Variants in BANK1 observed in about 807,000 individuals in gnomAD.
BANK1 encodes the protein B-cell scaffold protein with ankyrin repeats.
A neutral mutation model predicts 94.5 loss-of-function variants in BANK1; 95 were observed. The observed-to-expected ratio is 1.00, with a 90% CI of 0.85 to 1.19. The LOEUF (loss-of-function observed/expected upper bound fraction) is 1.19, where lower values mean the gene tolerates loss of function less well. Ranked by LOEUF, BANK1 falls within the 50% of genes most tolerant of loss-of-function variation. BANK1 has a pLI of 0.00. For synonymous variants in BANK1, 334 were observed against 308.4 expected, an observed-to-expected ratio of 1.08 and a Z score of -0.87; for missense variants, 987 against 932.2, an observed-to-expected ratio of 1.06 and a Z score of -0.77.
At chr4:102,018,820 C>T (rs2931271) in intron 7 of BANK1, among the ~76,000 whole-genome samples, 51,761 of 140,442 alleles carry the variant, frequency 0.37, 12,115 homozygotes, top group African/African-American at 0.67. Flanking sequence ...TCTTTCTTTC[C>T]TTTTTTTTTT....
Position 102,030,178 on chromosome 4 carries a change from T to C in BANK1, c.1813T>C (p.Ser605Pro). ...LSIKKKTGSR[S>P]FIINRPPAPT... ...TATAAAGAAAAAAACTGGGAGTCGG[T>C]CTTTCATTATAAATAGACCTCCTGC... is the stretch of plus-strand genomic sequence containing the variant. The change falls in exon 10 of 17, where the codon TCT (serine) becomes CCT (proline). Residue 605 changes from serine to proline, a missense_variant. Physicochemically the swap from Ser to Pro is moderately conservative, Grantham distance 74 (BLOSUM62 -1). Transcript: ENST00000322953. 1 of 1,614,018 alleles carries C rather than the reference T, an allele frequency of 6.2e-7. No homozygotes were observed. The highest frequency in any genetic ancestry group is 8.5e-7 in the Non-Finnish European group (1 of 1,179,966).
At position 101,912,480 on chromosome 4, in the gene BANK1, A is replaced by C. The variant is rs77571757; in HGVS notation, c.1010-5513A>C. On this transcript the variant is annotated intron_variant, in intron 6 of 16. Transcript: ENST00000322953. ...TGGTCACGGTTCTCAAGAGAAACCAATAAAATGTGTGTGTATATGTGTGTT... is the reference window on the plus strand; with the variant it reads ...TGGTCACGGTTCTCAAGAGAAACCACTAAAATGTGTGTGTATATGTGTGTT... Among the ~76,000 whole-genome samples the C allele has an allele frequency of 6.6e-3, 996 of 151,882 alleles. 13 individuals carry two copies. The highest frequency in any genetic ancestry group is 0.023 in the African/African-American group (957 of 41,476).
intron 11 of BANK1, among the ~76,000 whole-genome samples, chr4:102,047,410 A>T (rs1210825652): frequency 7.3e-6 from 1 of 136,422 alleles, no homozygotes; most frequent in Admixed American, 7.7e-5. Flanking sequence ...TAGTGATTTC[A>T]TATTTAAGGA....
At chr4:101,850,382 C>G (rs1158198785) in intron 2 of BANK1, among the ~76,000 whole-genome samples, 4 of 152,044 alleles carry the variant, frequency 2.6e-5, no homozygotes, top group Admixed American at 2.6e-4. Flanking sequence ...AGCAATTCTC[C>G]TGTCTCAGCC....
intron 7 of BANK1, among the ~76,000 whole-genome samples, chr4:101,994,535 A>G (rs962694459): frequency 6.6e-6 from 1 of 152,140 alleles, no homozygotes; most frequent in Non-Finnish European, 1.5e-5. Flanking sequence ...CATCATGTCA[A>G]TTTAAGAAAA....
chr4:101,985,027 G>A (rs1011113218), intron 7 of BANK1, among the ~76,000 whole-genome samples: 2 of 152,076 alleles, frequency 1.3e-5, no homozygotes, highest in Non-Finnish European at 2.9e-5. Context: ...GAGAGAGAGA[G>A]AGATTGATTT....
intron 6 of BANK1, among the ~76,000 whole-genome samples, chr4:101,899,846 G>A (rs1472001693): frequency 6.6e-6 from 1 of 152,182 alleles, no homozygotes; most frequent in East Asian, 1.9e-4. Flanking sequence ...GAGAAGACAG[G>A]ACATTCTTAC....
intron 6 of BANK1, among the ~76,000 whole-genome samples, chr4:101,910,493 C>G (rs1248260735): frequency 6.6e-6 from 1 of 151,736 alleles, no homozygotes; most frequent in Non-Finnish European, 1.5e-5. Context: ...ACCAGCCTGA[C>G]CAACATGGAG....
At chr4:101,894,628 C>A (rs560399370) in intron 5 of BANK1, among the ~76,000 whole-genome samples, 73 of 152,054 alleles carry the variant, frequency 4.8e-4, no homozygotes, top group Middle Eastern at 3.4e-3. Flanking sequence ...GCTATAATCA[C>A]CTGTGTCTTG....
chr4:102,062,067 A>T (rs1402201157), intron 12 of BANK1: 1 of 152,166 alleles, frequency 6.6e-6, no homozygotes, highest in African/African-American at 2.4e-5. Context: ...ATGCATTCCT[A>T]TGTACTTTTC....
At chr4:101,873,057 A>G (rs1157312772) in intron 5 of BANK1, among the ~76,000 whole-genome samples, 1 of 152,028 alleles carries the variant, frequency 6.6e-6, no homozygotes, top group South Asian at 2.1e-4. Flanking sequence ...GGAAAGCTGT[A>G]CATTTCTTTT....
chr4:101,808,636 G>A (rs1431190641), intron 1 of BANK1, among the ~76,000 whole-genome samples: 1 of 151,300 alleles, frequency 6.6e-6, no homozygotes, highest in East Asian at 1.9e-4. Flanking sequence ...TATCCAGAAT[G>A]CACAAGGAAC....
chr4:101,791,005 T>G (rs1333435720), intron 1 of BANK1, 55 bp downstream of exon 1: 2 of 1,365,368 alleles, frequency 1.5e-6, no homozygotes, highest in Admixed American at 5.5e-5. Flanking sequence ...TACGGGGCTC[T>G]GCGGAGACCA....
chr4:101,863,115 A>T (rs1384333210), intron 4 of BANK1, among the ~76,000 whole-genome samples: 2 of 151,744 alleles, frequency 1.3e-5, no homozygotes, highest in Admixed American at 6.6e-5. Context: ...TTATTTTATC[A>T]GTATGGTGCA....
At chr4:101,954,556 A>C (rs1437900286) in intron 7 of BANK1, among the ~76,000 whole-genome samples, 2 of 152,042 alleles carry the variant, frequency 1.3e-5, no homozygotes, top group Non-Finnish European at 2.9e-5. Flanking sequence ...AGGTGATTGG[A>C]TTGATGAGGG....
chr4:101,790,848 C>T lies in BANK1; in HGVS notation c.-33C>T. The T allele has an allele frequency of 6.5e-7, 1 of 1,532,634 alleles. No homozygotes were observed. The highest frequency in any genetic ancestry group is 1.4e-5 in the African/African-American group (1 of 72,730). 94.9% of individuals were successfully genotyped at this position (1,532,634 alleles called of 1,614,324 possible). A position where few individuals can be genotyped will look rare whatever the true frequency, so the allele number is the denominator to read the frequency against. On this transcript the variant is annotated 5_prime_UTR_variant, in exon 1 of 17. Coordinates refer to ENST00000322953, the MANE Select transcript of BANK1 (RefSeq NM_017935.5). ...AGTCCAGGTAGCGCTCGGCGGGCAG[C>T]AGTGCGCAGGCCCCTCGGCTTCAAC...
chr4:101,937,356 C>G (rs1422281779), intron 7 of BANK1, among the ~76,000 whole-genome samples: 1 of 151,808 alleles, frequency 6.6e-6, no homozygotes, highest in Non-Finnish European at 1.5e-5. Context: ...GGGCTAATAT[C>G]CAGAATCTAC....
At chr4:101,799,795 A>G (rs1725293391) in intron 1 of BANK1, among the ~76,000 whole-genome samples, 1 of 152,096 alleles carries the variant, frequency 6.6e-6, no homozygotes, top group South Asian at 2.1e-4. Flanking sequence ...AATGGCATGA[A>G]CCTGGGAGGC....
At chr4:102,016,740 C>G (rs571682340) in intron 7 of BANK1, among the ~76,000 whole-genome samples, 2 of 152,288 alleles carry the variant, frequency 1.3e-5, no homozygotes, top group East Asian at 3.9e-4. Context: ...ACATATCTCC[C>G]TTCTGGTTTT....
Sources: gnomAD v4.1 joint callset for allele counts (sites outside exome capture counted in the v4.1 genomes callset) on GRCh38, gnomAD v4.1.1 for gene constraint, MANE v1.5 for transcripts, NCBI Gene and HGNC (gene_info 2026-07-23, HGNC 2026-07-21) for gene names.